The following DACH1 variants were observed in gnomAD, a reference collection of about 807,000 sequenced individuals.
DACH1 encodes the protein dachshund homolog 1.
Under a neutral mutation model 54.2 loss-of-function variants are expected in DACH1, and 12 were observed. The ratio of observed to expected loss-of-function variants is 0.22; its 90% confidence interval spans 0.14 to 0.36. The LOEUF is 0.36. DACH1 is among the 10% of genes least tolerant of loss of function. DACH1 has a pLI of 1.00. For synonymous variants in DACH1, 386 were observed against 366.2 expected, an observed-to-expected ratio of 1.05 and a Z score of -0.62; for missense variants, 805 against 929.8, an observed-to-expected ratio of 0.87 and a Z score of 1.75.
At chr13:71,785,446 T>C (rs541532125) in intron 1 of DACH1, among the ~76,000 whole-genome samples, 1 of 152,322 alleles carries the variant, frequency 6.6e-6, no homozygotes, top group East Asian at 1.9e-4. Context: ...GTTTAGAAAA[T>C]TCCCTTTACA....
At chr13:71,828,323 A>G (rs1888458456) in intron 1 of DACH1, among the ~76,000 whole-genome samples, 1 of 151,946 alleles carries the variant, frequency 6.6e-6, no homozygotes, top group Admixed American at 6.6e-5. Flanking sequence ...CTCGGGACAG[A>G]GTGATAAGAT....
intron 8 of DACH1, among the ~76,000 whole-genome samples, chr13:71,477,967 T>A (rs1227125823): frequency 5.3e-5 from 8 of 152,200 alleles, no homozygotes; most frequent in Non-Finnish European, 4.4e-5. Flanking sequence ...AAACAGAATG[T>A]AAATCCTCCC....
intron 1 of DACH1, among the ~76,000 whole-genome samples, chr13:71,758,531 A>G (rs868762577): frequency 3.9e-5 from 6 of 152,212 alleles, no homozygotes; most frequent in African/African-American, 9.6e-5. Flanking sequence ...CTAGCAAGGC[A>G]TCCAGATCCT....
intron 2 of DACH1, 58 bp from the exon 3 acceptor site, chr13:71,630,775 TC>T (rs1470568694): frequency 2.2e-5 from 33 of 1,487,956 alleles, no homozygotes; most frequent in Admixed American, 1.3e-4. Context: ...ATTTAATAGT[TC>T]CTGTACTTGC....
chr13:71,551,277 A>C (rs1883799620), intron 6 of DACH1, among the ~76,000 whole-genome samples: 1 of 152,134 alleles, frequency 6.6e-6, no homozygotes, highest in Admixed American at 6.6e-5. Context: ...TGGGATATCC[A>C]TCACCCTAAA....
intron 1 of DACH1, among the ~76,000 whole-genome samples, chr13:71,792,663 C>T (rs1401904415): frequency 6.6e-6 from 1 of 152,006 alleles, no homozygotes; most frequent in Non-Finnish European, 1.5e-5. Flanking sequence ...TCAATATCAC[C>T]CTCTATTAAA....
chr13:71,474,753 T>G (rs1190912853), intron 10 of DACH1, among the ~76,000 whole-genome samples: 1 of 152,168 alleles, frequency 6.6e-6, no homozygotes, highest in Non-Finnish European at 1.5e-5. Flanking sequence ...AATGAGTAGT[T>G]AGACATTTTT....
At chr13:71,683,433 G>T (rs1297399591) in intron 1 of DACH1, among the ~76,000 whole-genome samples, 2 of 152,080 alleles carry the variant, frequency 1.3e-5, no homozygotes, top group Non-Finnish European at 2.9e-5. Flanking sequence ...GAGAATGTGA[G>T]AAATAAATGA....
chr13:71,832,042 A>T (rs1052839529), intron 1 of DACH1, among the ~76,000 whole-genome samples: 1 of 151,878 alleles, frequency 6.6e-6, no homozygotes, highest in African/African-American at 2.4e-5. Flanking sequence ...ACTGTTGGAG[A>T]GCTGTCAGCA....
At chr13:71,515,520 A>G (rs987389597) in intron 6 of DACH1, among the ~76,000 whole-genome samples, 13 of 151,880 alleles carry the variant, frequency 8.6e-5, no homozygotes, top group African/African-American at 2.7e-4. Context: ...ATTTGCTATG[A>G]TTTTGTTAAA....
chr13:71,780,963 A>T (rs1456066791), intron 1 of DACH1, among the ~76,000 whole-genome samples: 1 of 152,082 alleles, frequency 6.6e-6, no homozygotes, highest in Non-Finnish European at 1.5e-5. Context: ...GCGAGACCTT[A>T]TCTCTACAAA....
At chr13:71,589,172 T>C (rs74398238) in intron 3 of DACH1, among the ~76,000 whole-genome samples, 4,021 of 152,080 alleles carry the variant, frequency 0.026, 185 homozygotes, top group African/African-American at 0.09. Flanking sequence ...AAACATAAAA[T>C]GGTACTTAGA....
intron 2 of DACH1, among the ~76,000 whole-genome samples, chr13:71,632,250 C>T (rs1161033371): frequency 6.6e-6 from 1 of 152,002 alleles, no homozygotes; most frequent in African/African-American, 2.4e-5. Flanking sequence ...GGTTTTTGAG[C>T]AGGGGAGTGG....
At chr13:71,822,271 CAG>C (rs1888223616) in intron 1 of DACH1, among the ~76,000 whole-genome samples, 1 of 152,080 alleles carries the variant, frequency 6.6e-6, no homozygotes. Context: ...TTGTAGTGAA[CAG>C]AGATACTCAC....
chr13:71,600,582 T>A (rs973844536), intron 3 of DACH1, among the ~76,000 whole-genome samples: 7 of 151,960 alleles, frequency 4.6e-5, no homozygotes, highest in African/African-American at 1.7e-4. Flanking sequence ...ATTTTATATA[T>A]AAAATAGCCA....
intron 7 of DACH1, among the ~76,000 whole-genome samples, chr13:71,484,806 G>T (rs912939791): frequency 6.6e-6 from 1 of 152,124 alleles, no homozygotes; most frequent in African/African-American, 2.4e-5. Context: ...GGTGGCTCAC[G>T]CCTGTAACCC....
intron 1 of DACH1, among the ~76,000 whole-genome samples, chr13:71,856,996 T>C (rs1874044394): frequency 6.6e-6 from 1 of 151,830 alleles, no homozygotes; most frequent in African/African-American, 2.4e-5. Flanking sequence ...TTCTAAAGGA[T>C]ATGCTGGCTC....
chr13:71,731,333 C>T (rs181582468), intron 1 of DACH1, among the ~76,000 whole-genome samples: 1,941 of 150,038 alleles, frequency 0.013, 30 homozygotes, highest in African/African-American at 0.033. Flanking sequence ...GCTCTGTCGC[C>T]CAGGCTGGAG....
chr13:71,816,703 T>TAC (rs1887972418), intron 1 of DACH1, among the ~76,000 whole-genome samples: 3 of 150,172 alleles, frequency 2.0e-5, no homozygotes, highest in African/African-American at 4.9e-5. Context: ...TATATATATA[T>TAC]ACACACACCA....
Sources: gnomAD v4.1 joint callset for allele counts (sites outside exome capture counted in the v4.1 genomes callset) on GRCh38, gnomAD v4.1.1 for gene constraint, MANE v1.5 for transcripts, NCBI Gene and HGNC (gene_info 2026-07-23, HGNC 2026-07-21) for gene names.